Variants in SYN2 observed in about 807,000 individuals in gnomAD.
SYN2 encodes synapsin-2.
In SYN2, 19 loss-of-function variants were observed where a neutral mutation model predicts 50.9. The ratio of observed to expected loss-of-function variants is 0.37; its 90% CI spans 0.26 to 0.55. The LOEUF is 0.55. SYN2 is among the 20% of genes least tolerant of loss of function. SYN2 has a pLI of 0.81. For synonymous variants in SYN2, 255 were observed against 224.9 expected (o/e 1.13, Z -1.20); for missense variants, 587 against 576.4 (o/e 1.02, Z -0.19).
At chr3:12,138,811 G>A (rs1696955529) in intron 1 of SYN2, among the ~76,000 whole-genome samples, 1 of 152,214 alleles carries the variant, frequency 6.6e-6, no homozygotes, top group African/African-American at 2.4e-5. Flanking sequence ...CTGATAACAA[G>A]GTAGACATAC....
chr3:12,191,110 C>T lies in SYN2; in HGVS notation c.*485C>T. 3.0e-6 allele frequency: 3 copies of T among 986,532 alleles called. No individual in the cohort carries two copies. The highest frequency in any genetic ancestry group is 3.6e-6 in the Non-Finnish European group (3 of 830,760). 61.1% of individuals were successfully genotyped at this position (986,532 alleles called of 1,614,324 possible). ...TTAGGAACTTTCCCCGACCTGGATC[C>T]CTTGTCATACCTGTGTTACTGTTTA... On this transcript the variant is annotated 3_prime_UTR_variant, in exon 13 of 13. Transcript: ENST00000621198.
intron 1 of SYN2, among the ~76,000 whole-genome samples, chr3:12,086,950 T>A (rs971082774): frequency 2.6e-5 from 4 of 152,118 alleles, no homozygotes; most frequent in Admixed American, 6.5e-5. Flanking sequence ...ATATATTTTT[T>A]AAAAATCCTA....
intron 1 of SYN2, chr3:12,070,289 C>T: frequency 4.1e-6 from 2 of 489,550 alleles, no homozygotes; most frequent in Non-Finnish European, 4.1e-6. Flanking sequence ...GCTGGATTTG[C>T]TGGGGACGAC....
intron 1 of SYN2, among the ~76,000 whole-genome samples, chr3:12,047,856 T>C (rs1017583720): frequency 6.6e-6 from 1 of 152,226 alleles, no homozygotes; most frequent in African/African-American, 2.4e-5. Context: ...ATGTTCTGTT[T>C]AATTTGAAGA....
At chr3:12,131,392 T>A (rs1289772294) in intron 1 of SYN2, among the ~76,000 whole-genome samples, 3 of 152,202 alleles carry the variant, frequency 2.0e-5, no homozygotes, top group Non-Finnish European at 2.9e-5. Context: ...ACCTGCAGTA[T>A]TCAAGATGCT....
chr3:12,161,981 T>C (rs1360769091), intron 6 of SYN2, 31 bp from the exon 7 acceptor site: 1 of 1,613,006 alleles, frequency 6.2e-7, no homozygotes, highest in African/African-American at 1.3e-5. Context: ...TGTGTCTCCC[T>C]TTCCCCCTTT....
chr3:12,104,351 G>T (rs1303686783), intron 1 of SYN2, among the ~76,000 whole-genome samples: 1 of 152,012 alleles, frequency 6.6e-6, no homozygotes, highest in African/African-American at 2.4e-5. Flanking sequence ...AAAATTGATA[G>T]GCCTACAGGG....
intron 11 of SYN2, 168 bp downstream of exon 11, chr3:12,183,540 C>T: frequency 6.5e-7 from 1 of 1,536,714 alleles, no homozygotes; most frequent in Non-Finnish European, 8.7e-7. Context: ...GGTGCCGTTG[C>T]TGCGTTCTTT....
chr3:12,148,641 C>T (rs1697207988), intron 4 of SYN2: 1 of 152,118 alleles, frequency 6.6e-6, no homozygotes, highest in Non-Finnish European at 1.5e-5. Context: ...GCATTCCAGA[C>T]AAAGCAAGAA....
intron 7 of SYN2, among the ~76,000 whole-genome samples, chr3:12,162,388 G>A (rs6442308): frequency 0.16 from 24,452 of 152,084 alleles, 4,605 homozygotes; most frequent in African/African-American, 0.46. Context: ...GAACAGAGAC[G>A]ACAGACTACA....
intron 1 of SYN2, among the ~76,000 whole-genome samples, chr3:12,025,670 T>TG (rs767284964): frequency 1.3e-5 from 2 of 152,124 alleles, no homozygotes; most frequent in South Asian, 2.1e-4. Context: ...TTTTGGTGGA[T>TG]GGGGGGGCTT....
At chr3:12,186,437 T>C (rs959565055) in intron 11 of SYN2, among the ~76,000 whole-genome samples, 1 of 152,214 alleles carries the variant, frequency 6.6e-6, no homozygotes, top group Non-Finnish European at 1.5e-5. Flanking sequence ...TGTTTCATGC[T>C]GGGAGGAGGG....
In SYN2 at chr3:12,190,706, G is replaced by A; in HGVS notation, c.*81G>A. ...CCAACAACAGTCAGCCAGCTTGGTG[G>A]TTATGTCCCATGACCTTGACGTGTG... On this transcript the variant is annotated 3_prime_UTR_variant, in exon 13 of 13. Transcript: ENST00000621198. 1 of 1,566,706 alleles carries A rather than the reference G, an allele frequency of 6.4e-7. No individual in the cohort carries two copies. The highest frequency in any genetic ancestry group is 8.6e-7 in the Non-Finnish European group (1 of 1,158,354).
chr3:12,131,005 TG>T (rs1696786852), intron 1 of SYN2, among the ~76,000 whole-genome samples: 1 of 152,156 alleles, frequency 6.6e-6, no homozygotes, highest in South Asian at 2.1e-4. Flanking sequence ...GCACAGGGGC[TG>T]GGAAACTGTC....
Position 12,157,397 on chromosome 3 carries a change from G to C in SYN2, c.775-4149G>C. 1.2e-6 allele frequency: 2 copies of C among 1,614,130 alleles called. No individual in the cohort carries two copies. On this transcript the variant is annotated intron_variant, in intron 5 of 12. Coordinates refer to ENST00000621198, the MANE Select transcript of SYN2 (RefSeq NM_133625.6). ...TGCCCCCATGTACCTTTATCTGTTTGATTTCATACCGGAGCATTTTTTCAG... is the reference window on the plus strand; with the variant it reads ...TGCCCCCATGTACCTTTATCTGTTTCATTTCATACCGGAGCATTTTTTCAG...
At chr3:12,059,289 A>G (rs1011024589) in intron 1 of SYN2, among the ~76,000 whole-genome samples, 7 of 152,194 alleles carry the variant, frequency 4.6e-5, no homozygotes, top group African/African-American at 1.7e-4. Flanking sequence ...GAGGTTACAC[A>G]TTGGTTTTGG....
intron 1 of SYN2, among the ~76,000 whole-genome samples, chr3:12,080,870 G>C (rs953763139): frequency 2.0e-5 from 3 of 152,124 alleles, no homozygotes; most frequent in Non-Finnish European, 4.4e-5. Flanking sequence ...TTAATTTTCT[G>C]TCTCAATTAT....
chr3:12,046,786 A>T (rs1694749489), intron 1 of SYN2, among the ~76,000 whole-genome samples: 1 of 152,172 alleles, frequency 6.6e-6, no homozygotes, highest in South Asian at 2.1e-4. Context: ...ATTAGATAAG[A>T]AATGAAGGAG....
At chr3:12,012,647 CTTTG>C (rs1693940649) in intron 1 of SYN2, among the ~76,000 whole-genome samples, 1 of 152,170 alleles carries the variant, frequency 6.6e-6, no homozygotes, top group Non-Finnish European at 1.5e-5. Flanking sequence ...GCACAGCTGC[CTTTG>C]TTTGGAATGC....
Sources: allele counts gnomAD v4.1 joint callset (sites outside exome capture counted in the v4.1 genomes callset), GRCh38; gene constraint gnomAD v4.1.1; transcripts MANE v1.5; gene names NCBI Gene and HGNC (gene_info 2026-07-23, HGNC 2026-07-21).